The following CAP2 variants were observed in gnomAD, a reference collection of about 807,000 sequenced individuals.
CAP2 encodes the protein cyclase associated actin cytoskeleton regulatory protein 2.
CAP2 carries 24 observed loss-of-function variants against 57.7 expected under a neutral mutation model. The observed-to-expected ratio is 0.42, with a 90% CI of 0.30 to 0.58. The LOEUF (loss-of-function observed/expected upper bound fraction) is 0.58. CAP2 is among the 20% of genes least tolerant of loss of function. The pLI is 0.22. For synonymous variants in CAP2, 194 were observed against 207.2 expected, an observed-to-expected ratio of 0.94 and a Z score of 0.55; for missense variants, 501 against 590.3, an observed-to-expected ratio of 0.85 and a Z score of 1.57.
At chr6:17,530,159 A>G (rs557559128) in intron 7 of CAP2, among the ~76,000 whole-genome samples, 36 of 152,174 alleles carry the variant, frequency 2.4e-4, no homozygotes, top group African/African-American at 6.5e-4. Flanking sequence ...CTGCAGCTCA[A>G]TCTCCCGGGA....
chr6:17,529,597 C>T (rs1231668814), intron 7 of CAP2, among the ~76,000 whole-genome samples: 10 of 148,508 alleles, frequency 6.7e-5, no homozygotes, highest in South Asian at 6.3e-4. Context: ...GCCGAGATCA[C>T]GCCACTGCAC....
chr6:17,498,235 A>C (rs569533366), intron 4 of CAP2, among the ~76,000 whole-genome samples: 1 of 152,230 alleles, frequency 6.6e-6, no homozygotes, highest in Admixed American at 6.5e-5. Context: ...AAGAATAGTA[A>C]GTGGGAAGTG....
At chr6:17,428,697 C>T (rs1188026315) in intron 3 of CAP2, among the ~76,000 whole-genome samples, 5 of 151,314 alleles carry the variant, frequency 3.3e-5, no homozygotes, top group African/African-American at 9.7e-5. Context: ...GTGGGTGCAG[C>T]GCACCAGCAT....
chr6:17,479,571 G>A (rs1181472621), intron 4 of CAP2, among the ~76,000 whole-genome samples: 3 of 151,170 alleles, frequency 2.0e-5, no homozygotes, highest in Admixed American at 2.0e-4. Context: ...AGGGGTAGAA[G>A]AGAGAAAGGA....
At chr6:17,445,142 C>T (rs1301946060) in intron 3 of CAP2, among the ~76,000 whole-genome samples, 5 of 152,268 alleles carry the variant, frequency 3.3e-5, no homozygotes, top group Admixed American at 3.3e-4. Flanking sequence ...AGCCTTACTC[C>T]GCCACCCAGG....
chr6:17,475,276 G>A (rs1393736731), intron 4 of CAP2, among the ~76,000 whole-genome samples: 1 of 152,028 alleles, frequency 6.6e-6, no homozygotes. Context: ...GAGGGACATT[G>A]TCGTTTGGTG....
chr6:17,462,171 G>A (rs1760748454), intron 3 of CAP2, among the ~76,000 whole-genome samples: 2 of 151,804 alleles, frequency 1.3e-5, no homozygotes. Context: ...GTCCAGGTGG[G>A]GCCCCCTCTA....
At chr6:17,490,269 A>G (rs1363052646) in intron 4 of CAP2, among the ~76,000 whole-genome samples, 1 of 152,146 alleles carries the variant, frequency 6.6e-6, no homozygotes, top group Admixed American at 6.5e-5. Context: ...GACTTCTTGT[A>G]TTTGATTTGC....
chr6:17,396,690 G>A (rs1242920867), intron 1 of CAP2, among the ~76,000 whole-genome samples: 1 of 152,092 alleles, frequency 6.6e-6, no homozygotes, highest in African/African-American at 2.4e-5. Context: ...AAGGTCACAG[G>A]GTTTCTTTTT....
At chr6:17,497,837 A>G (rs1761706985) in intron 4 of CAP2, among the ~76,000 whole-genome samples, 2 of 152,378 alleles carry the variant, frequency 1.3e-5, no homozygotes, top group South Asian at 2.1e-4. Flanking sequence ...AATGAAAACT[A>G]TAAATCTCAA....
At chr6:17,531,033 T>A in intron 7 of CAP2, 1 of 899,292 alleles carries the variant, frequency 1.1e-6, no homozygotes, top group South Asian at 1.3e-5. Flanking sequence ...GTTATTTGCT[T>A]CTTTGAAGTG....
chr6:17,444,786 A>C (rs1366283685), intron 3 of CAP2, among the ~76,000 whole-genome samples: 1 of 144,868 alleles, frequency 6.9e-6, no homozygotes, highest in Non-Finnish European at 1.5e-5. Context: ...GTCTCTGTAG[A>C]TTTTTGTTTC....
chr6:17,396,175 G>A (rs966264743), intron 1 of CAP2, among the ~76,000 whole-genome samples: 3 of 152,198 alleles, frequency 2.0e-5, no homozygotes, highest in African/African-American at 7.2e-5. Context: ...AGGATGTGGA[G>A]GAATTGGAAC....
At chr6:17,555,896 G>C (rs2113716258) in intron 12 of CAP2, among the ~76,000 whole-genome samples, 1 of 152,202 alleles carries the variant, frequency 6.6e-6, no homozygotes, top group South Asian at 2.1e-4. Context: ...GATCCCAGTT[G>C]ATTCATGTGC....
At chr6:17,435,605 G>T (rs368744223) in intron 3 of CAP2, among the ~76,000 whole-genome samples, 1 of 120,266 alleles carries the variant, frequency 8.3e-6, no homozygotes, top group African/African-American at 3.3e-5. Context: ...TGGGTGCAGC[G>T]CACCAGCATG....
chr6:17,547,717 C>T (rs541791964), intron 11 of CAP2, among the ~76,000 whole-genome samples: 55 of 151,506 alleles, frequency 3.6e-4, no homozygotes, highest in East Asian at 2.9e-3. Flanking sequence ...GGCGGGTGCC[C>T]ATAGTCCCAG....
intron 4 of CAP2, among the ~76,000 whole-genome samples, chr6:17,496,401 C>A (rs1044238738): frequency 6.6e-6 from 1 of 152,322 alleles, no homozygotes; most frequent in Non-Finnish European, 1.5e-5. Context: ...GCCTCCCAAC[C>A]CTGTTGACCA....
At chr6:17,518,975 A>T (rs899120708) in intron 7 of CAP2, among the ~76,000 whole-genome samples, 5 of 152,132 alleles carry the variant, frequency 3.3e-5, no homozygotes, top group African/African-American at 1.2e-4. Flanking sequence ...ATCTTAACAG[A>T]CACAGTCCAT....
At chr6:17,526,318 A>G (rs1032131192) in intron 7 of CAP2, among the ~76,000 whole-genome samples, 3 of 151,934 alleles carry the variant, frequency 2.0e-5, no homozygotes, top group Admixed American at 1.3e-4. Context: ...GCGTTTCACC[A>G]TGTTGGCCAG....
Sources: gnomAD v4.1 joint callset for allele counts (sites outside exome capture counted in the v4.1 genomes callset) on GRCh38, gnomAD v4.1.1 for gene constraint, MANE v1.5 for transcripts, NCBI Gene and HGNC (gene_info 2026-07-23, HGNC 2026-07-21) for gene names.